KCNJ16: variants seen among roughly 807,000 people sequenced by gnomAD.
KCNJ16 encodes the protein potassium inwardly rectifying channel subfamily J member 16.
In KCNJ16, 15 loss-of-function variants were observed where a neutral mutation model predicts 18.5. The observed-to-expected ratio is 0.81, with a 90% CI of 0.54 to 1.25. KCNJ16 has a LOEUF of 1.25. Ranked by LOEUF, KCNJ16 falls within the 50% of genes most tolerant of loss-of-function variation. The pLI, the probability that KCNJ16 is intolerant of heterozygous loss-of-function variation, is 0.00. For missense variants in KCNJ16, 523 were observed against 525.7 expected (o/e 0.99, Z 0.05); for synonymous variants, 174 against 186.5 (o/e 0.93, Z 0.55).
At chr17:70,124,919 T>C (rs1310629895) in intron 2 of KCNJ16, among the ~76,000 whole-genome samples, 1 of 152,080 alleles carries the variant, frequency 6.6e-6, no homozygotes, top group Non-Finnish European at 1.5e-5. Context: ...TGTTCAGATA[T>C]GGGTGTTGAC....
chr17:70,124,412 G>C (rs2073774273), intron 2 of KCNJ16, among the ~76,000 whole-genome samples: 2 of 151,956 alleles, frequency 1.3e-5, no homozygotes, highest in Admixed American at 1.3e-4. Flanking sequence ...CACATAGTAG[G>C]AACTCATTTT....
chr17:70,103,488 ACTTT>A (rs1473128216), intron 2 of KCNJ16, among the ~76,000 whole-genome samples: 1 of 151,482 alleles, frequency 6.6e-6, no homozygotes, highest in Non-Finnish European at 1.5e-5. Flanking sequence ...TGCTTGTAAC[ACTTT>A]CTTTACTTCG....
chr17:70,096,968 T>C (rs2072404887), intron 1 of KCNJ16: 1 of 398,128 alleles, frequency 2.5e-6, no homozygotes, highest in South Asian at 1.3e-4. Context: ...TGTCCTAACA[T>C]ATTAAATTTT....
At chr17:70,106,468 A>G (rs2072930680) in intron 2 of KCNJ16, among the ~76,000 whole-genome samples, 1 of 152,166 alleles carries the variant, frequency 6.6e-6, no homozygotes, top group Admixed American at 6.5e-5. Flanking sequence ...GAGAGGAGAG[A>G]AACTGATAGA....
chr17:70,097,043 G>A, intron 1 of KCNJ16: 1 of 389,782 alleles, frequency 2.6e-6, no homozygotes, highest in South Asian at 1.4e-4. Context: ...TCATTTTGCA[G>A]ACACGATATT....
At chr17:70,095,084 A>C (rs8070321) in intron 1 of KCNJ16, among the ~76,000 whole-genome samples, 129,185 of 152,252 alleles carry the variant, frequency 0.85, 54,881 homozygotes, top group East Asian at 0.96. Context: ...ATGTGAGCAT[A>C]TGAATAATTT....
chr17:70,120,487 G>T (rs2073589925), intron 2 of KCNJ16, among the ~76,000 whole-genome samples: 1 of 152,178 alleles, frequency 6.6e-6, no homozygotes, highest in Non-Finnish European at 1.5e-5. Context: ...AAGAAAAGAA[G>T]TTTAATTGGC....
At position 70,133,250 on chromosome 17, in the gene KCNJ16, A is replaced by C. The variant is rs745874403; in HGVS notation, c.1163A>C (p.Glu388Ala). Residue 388 changes from glutamate to alanine, a missense_variant, in exon 4 of 4, where the codon GAG (glutamate) becomes GCG (alanine). Glu to Ala is a moderately radical substitution (Grantham distance 107). Coordinates refer to ENST00000392671, the MANE Select transcript of KCNJ16 (RefSeq NM_170741.4). ...AIVSSCENPEETTTSATHEYR... is the reference protein window; with the variant it reads ...AIVSSCENPEATTTSATHEYR... ...GTCAGCAGCTGTGAAAACCCTGAGG[A>C]GACCACCACTTCCGCCACACATGAA... 5.8e-5 allele frequency: 94 copies of C among 1,614,076 alleles called. No homozygotes were observed. Among genetic ancestry groups the C allele is most frequent in the Non-Finnish European group, 7.8e-5 (92 of 1,180,036 alleles).
At chr17:70,083,632 T>C (rs138475376) in intron 1 of KCNJ16, among the ~76,000 whole-genome samples, 1 of 152,202 alleles carries the variant, frequency 6.6e-6, no homozygotes, top group East Asian at 1.9e-4. Flanking sequence ...GATTATACCA[T>C]CTAGGTTTGC....
At chr17:70,081,009 T>C (rs2143555199) in intron 1 of KCNJ16, among the ~76,000 whole-genome samples, 2 of 152,362 alleles carry the variant, frequency 1.3e-5, no homozygotes, top group South Asian at 4.1e-4. Flanking sequence ...AATTCGGTTC[T>C]TAGCTGACCT....
At chr17:70,118,718 A>C (rs1421857633) in intron 2 of KCNJ16, among the ~76,000 whole-genome samples, 1 of 152,104 alleles carries the variant, frequency 6.6e-6, no homozygotes, top group African/African-American at 2.4e-5. Flanking sequence ...CATGATGAAA[A>C]CACAAAACAC....
intron 2 of KCNJ16, chr17:70,102,038 G>A (rs2072650805): frequency 6.6e-6 from 1 of 152,036 alleles, no homozygotes; most frequent in African/African-American, 2.4e-5. Flanking sequence ...ATGGAAAAGA[G>A]TTGATTGAAT....
chr17:70,076,515 T>G (rs2071317268), intron 1 of KCNJ16, among the ~76,000 whole-genome samples: 1 of 152,198 alleles, frequency 6.6e-6, no homozygotes, highest in Non-Finnish European at 1.5e-5. Flanking sequence ...TGCTTGTTTA[T>G]TTTTAGAACA....
At chr17:70,116,362 A>G (rs2073404841) in intron 2 of KCNJ16, among the ~76,000 whole-genome samples, 1 of 152,096 alleles carries the variant, frequency 6.6e-6, no homozygotes, top group Non-Finnish European at 1.5e-5. Flanking sequence ...TCACATCCAG[A>G]TTTTGTCACT....
At chr17:70,111,154 T>G (rs2073169362) in intron 2 of KCNJ16, among the ~76,000 whole-genome samples, 1 of 152,174 alleles carries the variant, frequency 6.6e-6, no homozygotes, top group South Asian at 2.1e-4. Flanking sequence ...GGTATGAGTG[T>G]GACATTAACC....
chr17:70,099,850 G>A (rs2072545683), intron 1 of KCNJ16, among the ~76,000 whole-genome samples: 2 of 152,184 alleles, frequency 1.3e-5, no homozygotes, highest in Non-Finnish European at 2.9e-5. Context: ...ACTAATTTGA[G>A]AGGAACTACA....
intron 2 of KCNJ16, among the ~76,000 whole-genome samples, chr17:70,120,190 T>C (rs2073575824): frequency 6.6e-6 from 1 of 152,198 alleles, no homozygotes; most frequent in African/African-American, 2.4e-5. Context: ...CAGTTCCCAA[T>C]AAGTTCCTCA....
chr17:70,107,368 G>C (rs761556769), intron 2 of KCNJ16, among the ~76,000 whole-genome samples: 1 of 152,134 alleles, frequency 6.6e-6, no homozygotes, highest in Non-Finnish European at 1.5e-5. Context: ...TCACCTTCAA[G>C]ATGCAACACA....
chr17:70,099,307 AAAG>A (rs1244982757), intron 1 of KCNJ16, among the ~76,000 whole-genome samples: 1 of 152,200 alleles, frequency 6.6e-6, no homozygotes, highest in Non-Finnish European at 1.5e-5. Context: ...GTTAGAAGGT[AAAG>A]AAGCAACTAC....
Sources: gnomAD v4.1 joint callset for allele counts (sites outside exome capture counted in the v4.1 genomes callset) on GRCh38, gnomAD v4.1.1 for gene constraint, MANE v1.5 for transcripts, NCBI Gene and HGNC (gene_info 2026-07-23, HGNC 2026-07-21) for gene names.